The following ACSM2A variants were observed in gnomAD, a reference collection of about 807,000 sequenced individuals.
ACSM2A encodes acyl-coenzyme A synthetase ACSM2A, mitochondrial.
A neutral mutation model predicts 76.6 loss-of-function variants in ACSM2A; 72 were observed. That is an observed-to-expected ratio of 0.94 (90% CI 0.78 to 1.14). ACSM2A has a LOEUF of 1.14. Ranked by LOEUF, ACSM2A falls within the 50% of genes most tolerant of loss-of-function variation. ACSM2A has a pLI of 0.00. For synonymous variants in ACSM2A, 249 were observed against 255.9 expected (o/e 0.97, Z 0.26); for missense variants, 684 against 708.5 (o/e 0.97, Z 0.39).
Position 20,465,743 on chromosome 16 carries a change from C to G in ACSM2A, c.388+16C>G, listed in dbSNP as rs2012955173. 6.2e-7 allele frequency: 1 copy of G among 1,610,786 alleles called. No individual in the cohort carries two copies. Among genetic ancestry groups the G allele is most frequent in the Middle Eastern group, 1.7e-4 (1 of 6,042 alleles). On this transcript the variant is annotated intron_variant, in intron 3 of 13. Coordinates refer to ENST00000573854, the MANE Select transcript of ACSM2A (RefSeq NM_001308172.2). ...ATTCGAGCAGGTTGGTAACTGACTA[C>G]CTGGACAGAGAACTGTCTTCCTTGT...
chr16:20,470,954 G>A (rs1311065203), intron 4 of ACSM2A, 119 bp from the exon 5 acceptor site: 11 of 1,283,060 alleles, frequency 8.6e-6, no homozygotes, highest in Non-Finnish European at 1.1e-5. Flanking sequence ...AGCCTCTCTT[G>A]TGAGGTGGGT....
chr16:20,478,731 A>G (rs2013911334), intron 10 of ACSM2A, 54 bp downstream of exon 10: 1 of 1,569,292 alleles, frequency 6.4e-7, no homozygotes, highest in Admixed American at 1.7e-5. Flanking sequence ...GGAGCACTAA[A>G]CGGGATGAGG....
chr16:20,470,822 A>C (rs1215005221), intron 4 of ACSM2A: 1 of 662,402 alleles, frequency 1.5e-6, no homozygotes, highest in African/African-American at 1.8e-5. Context: ...GCAGATATAA[A>C]GTCAGACACA....
chr16:20,458,904 G>GTATATATATGTA (rs1567356709), intron 1 of ACSM2A, among the ~76,000 whole-genome samples: 2 of 27,392 alleles, frequency 7.3e-5, no homozygotes, highest in African/African-American at 5.8e-4. Flanking sequence ...ATATATATAT[G>GTATATATATGTA]CATATATATA....
intron 12 of ACSM2A, chr16:20,481,878 A>T (rs2014105408): frequency 1.0e-5 from 1 of 95,338 alleles, no homozygotes; most frequent in East Asian, 2.4e-4. Context: ...AACTTTTATA[A>T]AGTAAAGTGC....
intron 1 of ACSM2A, among the ~76,000 whole-genome samples, chr16:20,455,322 A>T (rs1184311253): frequency 1.3e-5 from 2 of 150,678 alleles, no homozygotes; most frequent in Non-Finnish European, 3.0e-5. Context: ...TTGCAAAAAG[A>T]TCATTGCCTA....
intron 1 of ACSM2A, among the ~76,000 whole-genome samples, chr16:20,458,913 T>TATATATATATATATATAC (rs1567356893): frequency 3.4e-5 from 2 of 59,622 alleles, no homozygotes; most frequent in East Asian, 6.2e-3. Flanking sequence ...TGCATATATA[T>TATATATATATATATATAC]ATATATATAT....
Position 20,469,870 on chromosome 16 carries a change from GTATTTTTTTTTT to G in ACSM2A, c.596+153_596+164del, listed in dbSNP as rs1477344769. On this transcript the variant is annotated intron_variant, in intron 4 of 13. Transcript: ENST00000573854. The stretch of plus-strand genomic sequence containing the variant: ...GGAAGAAATAAAAGCTAACACAAGG[GTATTTTTTTTTT>G]TTTTTTTTTTTTTTCAAATCATTGC... 1.0e-3 allele frequency: 647 copies of G among 617,998 alleles called. 7 individuals are homozygous for G. The African/African-American group carries it at 0.013, about 12-fold the overall frequency. 38.3% of individuals were successfully genotyped at this position (617,998 alleles called of 1,614,324 possible).
intron 1 of ACSM2A, among the ~76,000 whole-genome samples, chr16:20,459,246 A>T (rs1433963553): frequency 6.6e-6 from 1 of 152,054 alleles, no homozygotes; most frequent in Non-Finnish European, 1.5e-5. Flanking sequence ...GGTGCACAAC[A>T]ATGTCACAAA....
chr16:20,483,047 C>A lies in ACSM2A; in HGVS notation c.1510-11C>A, dbSNP rs758885602. On this transcript the variant is annotated splice_polypyrimidine_tract_variant and intron_variant, in intron 12 of 13. Transcript: ENST00000573854. The stretch of plus-strand genomic sequence containing the variant: ...CTAATCCCTTCTCTCTGGCCTTCAT[C>A]TTTTTTGCAGGTGGTGAAGGCATTT... 1.2e-5 allele frequency: 20 copies of A among 1,613,092 alleles called. No homozygotes were observed. In the East Asian group the frequency reaches 4.5e-4, roughly 36 times the overall value.
At chr16:20,459,993 A>G in intron 1 of ACSM2A, 114 bp from the exon 2 acceptor site, 6 of 1,434,460 alleles carry the variant, frequency 4.2e-6, no homozygotes, top group Non-Finnish European at 5.5e-6. Context: ...ACTACAGCAA[A>G]TTAATTCCTG....
chr16:20,468,627 T>G (rs1481650763), intron 3 of ACSM2A, among the ~76,000 whole-genome samples: 1 of 152,230 alleles, frequency 6.6e-6, no homozygotes, highest in Non-Finnish European at 1.5e-5. Context: ...CCCAAAATGC[T>G]AGGATTACAG....
At chr16:20,475,586 T>C (rs1301277247) in intron 7 of ACSM2A, 64 bp from the exon 8 acceptor site, 1 of 1,611,646 alleles carries the variant, frequency 6.2e-7, no homozygotes, top group Middle Eastern at 1.7e-4. Context: ...AGAAACCCAG[T>C]CTAGGCCTGA....
At chr16:20,482,975 A>G in intron 12 of ACSM2A, 83 bp from the exon 13 acceptor site, 2 of 1,569,006 alleles carry the variant, frequency 1.3e-6, no homozygotes, top group Admixed American at 3.4e-5. Context: ...AGGGTGATGG[A>G]AGTCTTAATG....
Position 20,475,392 on chromosome 16 carries a change from A to G in ACSM2A, c.925A>G (p.Met309Val). ...CTCCAGTTATCCAATCAAGAGTATG[A>G]TGGGTGCCCCCATTGTTTACCGGAT... ...TLSSYPIKSM[M>V]GAPIVYRMLL... The change falls in exon 7 of 14, where the codon ATG becomes GTG. Residue 309 changes from methionine to valine, a missense_variant. Met to Val is a conservative substitution (Grantham distance 21). Transcript: ENST00000573854. 1 of 1,613,778 alleles carries G rather than the reference A, an allele frequency of 6.2e-7. No individual in the cohort carries two copies. The highest frequency in any genetic ancestry group is 8.5e-7 in the Non-Finnish European group (1 of 1,179,744).
At chr16:20,483,428 G>A (rs1054291445) in intron 13 of ACSM2A, among the ~76,000 whole-genome samples, 7 of 151,550 alleles carry the variant, frequency 4.6e-5, no homozygotes, top group East Asian at 3.9e-4. Flanking sequence ...AAATTAGCCC[G>A]GTGTAGTGGC....
At chr16:20,460,520 C>G (rs1249432543) in intron 2 of ACSM2A, among the ~76,000 whole-genome samples, 1 of 152,078 alleles carries the variant, frequency 6.6e-6, no homozygotes, top group Non-Finnish European at 1.5e-5. Flanking sequence ...TCCCAGGCAG[C>G]CAACACACAG....
intron 8 of ACSM2A, chr16:20,477,146 G>A (rs547893460): frequency 3.0e-6 from 2 of 657,762 alleles, no homozygotes; most frequent in South Asian, 4.9e-5. Context: ...CCTCTTCCTG[G>A]GGAGTGGTAG....
intron 9 of ACSM2A, 22 bp from the exon 10 acceptor site, chr16:20,478,554 T>G: frequency 6.2e-7 from 1 of 1,610,786 alleles, no homozygotes; most frequent in Non-Finnish European, 8.5e-7. Flanking sequence ...GCATCATTCT[T>G]CCAATCTGCT....
Sources: gnomAD v4.1 joint callset for allele counts (sites outside exome capture counted in the v4.1 genomes callset) on GRCh38, gnomAD v4.1.1 for gene constraint, MANE v1.5 for transcripts, NCBI Gene and HGNC (gene_info 2026-07-23, HGNC 2026-07-21) for gene names.